Variants in PHF3 observed in about 807,000 individuals in gnomAD.
PHF3 encodes PHD finger protein 3.
PHF3 carries 41 observed loss-of-function variants against 178.4 expected under a neutral mutation model. That is an observed-to-expected ratio of 0.23 (90% CI 0.18 to 0.30). The LOEUF is 0.30. Ranked by LOEUF, PHF3 falls within the 10% of genes least tolerant of loss-of-function variation. PHF3 has a pLI of 1.00. For missense variants in PHF3, 2,346 were observed against 2,398.1 expected, an observed-to-expected ratio of 0.98 and a Z score of 0.45; for synonymous variants, 842 against 800.5, an observed-to-expected ratio of 1.05 and a Z score of -0.88.
chr6:63,645,317 T>C (rs1021121821), intron 1 of PHF3, among the ~76,000 whole-genome samples: 1 of 152,222 alleles, frequency 6.6e-6, no homozygotes, highest in Non-Finnish European at 1.5e-5. Flanking sequence ...TTTGTGACTT[T>C]GGGGAAGACA....
chr6:63,688,510 T>A (rs868318260), intron 4 of PHF3, among the ~76,000 whole-genome samples: 4 of 150,730 alleles, frequency 2.7e-5, no homozygotes, highest in South Asian at 2.1e-4. Flanking sequence ...TTATTTTGTA[T>A]TTTTTGTAGA....
chr6:63,659,734 C>T (rs574323837), intron 2 of PHF3, among the ~76,000 whole-genome samples: 1 of 152,278 alleles, frequency 6.6e-6, no homozygotes, highest in Admixed American at 6.5e-5. Context: ...CAAAATGCTC[C>T]AATGAGCATA....
chr6:63,646,407 C>T, intron 1 of PHF3, 120 bp from the exon 2 acceptor site: 2 of 573,570 alleles, frequency 3.5e-6, no homozygotes, highest in South Asian at 6.9e-5. Context: ...TTTTTTTAAA[C>T]AACAATTCAG....
chr6:63,659,867 A>G (rs1183148538), intron 2 of PHF3, among the ~76,000 whole-genome samples: 1 of 152,150 alleles, frequency 6.6e-6, no homozygotes, highest in African/African-American at 2.4e-5. Context: ...AAGTTTTGAG[A>G]ATGGTTAATT....
intron 2 of PHF3, among the ~76,000 whole-genome samples, chr6:63,647,495 G>T (rs1561939037): frequency 6.6e-6 from 1 of 152,022 alleles, no homozygotes; most frequent in African/African-American, 2.4e-5. Flanking sequence ...TGTTGCTTAT[G>T]TGCTGAGGTG....
chr6:63,694,664 A>G lies in PHF3; in HGVS notation c.2580A>G (p.Gly860=). 1 of 1,603,268 alleles carries G rather than the reference A, an allele frequency of 6.2e-7. No homozygotes were observed. Among genetic ancestry groups the G allele is most frequent in the Non-Finnish European group, 8.5e-7 (1 of 1,174,134 alleles). The stretch of plus-strand genomic sequence containing the variant: ...AGCTAGCTCCTCTTCGTAAGATGGG[A>G]CAACCAGTTTTACCTCGGAGATCCT... The part of the protein sequence containing the change: ...KWQLAPLRKM[G]QPVLPRRSSE... Residue 860 remains glycine (G), a synonymous_variant, in exon 6 of 16, where the codon GGA becomes GGG. Transcript: ENST00000262043.
intron 3 of PHF3, among the ~76,000 whole-genome samples, chr6:63,681,550 CTT>C (rs558616465): frequency 6.6e-6 from 1 of 151,960 alleles, no homozygotes; most frequent in Non-Finnish European, 1.5e-5. Context: ...TATCCTCCAA[CTT>C]TTCAGTCAAG....
At chr6:63,673,244 C>T (rs537394595) in intron 2 of PHF3, among the ~76,000 whole-genome samples, 1 of 152,164 alleles carries the variant, frequency 6.6e-6, no homozygotes, top group African/African-American at 2.4e-5. Flanking sequence ...TAAGTATTGT[C>T]TCTTAGAAAA....
At chr6:63,641,814 G>T (rs1056337478) in intron 1 of PHF3, among the ~76,000 whole-genome samples, 7 of 151,872 alleles carry the variant, frequency 4.6e-5, no homozygotes, top group African/African-American at 1.7e-4. Flanking sequence ...TTTTAGTAGA[G>T]ACGGGGTTTC....
chr6:63,672,079 C>T (rs531959979), intron 2 of PHF3, among the ~76,000 whole-genome samples: 1 of 151,886 alleles, frequency 6.6e-6, no homozygotes, highest in Non-Finnish European at 1.5e-5. Flanking sequence ...CTGACCTTGT[C>T]GTCTGTCCGC....
rs140812408 is a variant in PHF3, at chr6:63,703,682, G to A, written c.3367+11G>A. On this transcript the variant is annotated intron_variant, in intron 11 of 15. Transcript: ENST00000262043. ...GCAAAATCTGCATAGGTAATTGGAA[G>A]TTTTTCTTCGTAAAATTTTGCATTC... The A allele has an allele frequency of 5.1e-6, 8 of 1,581,200 alleles. No homozygotes were observed. The highest frequency in any genetic ancestry group is 3.4e-6 in the Non-Finnish European group (4 of 1,170,248).
chr6:63,696,528 A>G (rs1302301295), intron 6 of PHF3, among the ~76,000 whole-genome samples: 1 of 152,178 alleles, frequency 6.6e-6, no homozygotes, highest in Non-Finnish European at 1.5e-5. Flanking sequence ...TATGTTGGCC[A>G]GGCTGGTCTC....
At chr6:63,648,117 GAGGT>G (rs1764867848) in intron 2 of PHF3, among the ~76,000 whole-genome samples, 1 of 152,148 alleles carries the variant, frequency 6.6e-6, no homozygotes, top group Non-Finnish European at 1.5e-5. Flanking sequence ...ACTTAAAACT[GAGGT>G]CTTTTGAATT....
intron 6 of PHF3, among the ~76,000 whole-genome samples, chr6:63,697,411 A>G (rs1767279892): frequency 1.3e-5 from 2 of 152,194 alleles, no homozygotes; most frequent in Admixed American, 1.3e-4. Flanking sequence ...TGGGAGAGCA[A>G]ATTTATTAGG....
chr6:63,683,428 T>C (rs1199458947), intron 3 of PHF3, among the ~76,000 whole-genome samples: 1 of 152,114 alleles, frequency 6.6e-6, no homozygotes, highest in Non-Finnish European at 1.5e-5. Context: ...TTTAATGGAC[T>C]ATTAGGAGCA....
rs1346838562 is a variant in PHF3, at chr6:63,715,554, T to G, written c.*1846T>G. 6.6e-6 allele frequency: 1 copy of G among 152,160 alleles called. No individual in the cohort carries two copies. Among genetic ancestry groups the G allele is most frequent in the Admixed American group, 6.6e-5 (1 of 15,250 alleles). 9.4% of individuals were successfully genotyped at this position (152,160 alleles called of 1,614,324 possible). A position where few individuals can be genotyped will look rare whatever the true frequency, so the allele number is the denominator to read the frequency against. ...AAGTAAAAACGAGTGGGTTAATGAA[T>G]GAAAACAAGCTTTTAGGTCAGTTTT... is the stretch of plus-strand genomic sequence containing the variant. On this transcript the variant is annotated 3_prime_UTR_variant, in exon 16 of 16. Coordinates refer to ENST00000262043, the MANE Select transcript of PHF3 (RefSeq NM_001370348.2).
At chr6:63,658,009 T>A (rs1765309391) in intron 2 of PHF3, among the ~76,000 whole-genome samples, 2 of 152,198 alleles carry the variant, frequency 1.3e-5, no homozygotes, top group Admixed American at 6.5e-5. Flanking sequence ...CAATTTAAGT[T>A]CAGGGTTAAG....
In PHF3 at chr6:63,694,645, C is replaced by A; in HGVS notation, c.2561C>A (p.Ala854Asp). 6.3e-7 allele frequency: 1 copy of A among 1,589,600 alleles called. No individual in the cohort carries two copies. Among genetic ancestry groups the A allele is most frequent in the Non-Finnish European group, 8.6e-7 (1 of 1,166,802 alleles). Residue 854 changes from alanine (A) to aspartate (D), a missense_variant, in exon 6 of 16, where the codon GCT (alanine) becomes GAT (aspartate). Physicochemically the swap from Ala to Asp is moderately radical, Grantham distance 126 (BLOSUM62 -2). Around this residue, in one of 8 missense-constraint regions of PHF3, gnomAD observed 252 missense variants for 232.0 expected, o/e 1.09. Transcript: ENST00000262043. ...AATGAAATTAAAAAATGGCAGCTAG[C>A]TCCTCTTCGTAAGATGGGACAACCA... The part of the protein sequence containing the change: ...RDNEIKKWQL[A>D]PLRKMGQPVL...
chr6:63,683,377 A>T (rs1220939374), intron 3 of PHF3, among the ~76,000 whole-genome samples: 1 of 151,906 alleles, frequency 6.6e-6, no homozygotes, highest in Non-Finnish European at 1.5e-5. Flanking sequence ...TCCTGATACA[A>T]GGGGGGGATG....
Sources: gnomAD v4.1 joint callset for allele counts (sites outside exome capture counted in the v4.1 genomes callset) on GRCh38, gnomAD v4.1.1 for gene constraint, gnomAD v4.1.1 regional missense constraint, MANE v1.5 for transcripts, NCBI Gene and HGNC (gene_info 2026-07-23, HGNC 2026-07-21) for gene names.